HMBOX1: variants seen among roughly 807,000 people sequenced by gnomAD.
HMBOX1 encodes homeobox containing 1.
A neutral mutation model predicts 54.5 loss-of-function variants in HMBOX1; 14 were observed. That is an observed-to-expected ratio of 0.26 (90% CI 0.17 to 0.40). The LOEUF (loss-of-function observed/expected upper bound fraction) is 0.40. Ranked by LOEUF, HMBOX1 falls within the 10% of genes least tolerant of loss-of-function variation. HMBOX1 has a pLI of 1.00. For synonymous variants in HMBOX1, 160 were observed against 181.0 expected, an observed-to-expected ratio of 0.88 and a Z score of 0.93; for missense variants, 332 against 514.4, an observed-to-expected ratio of 0.65 and a Z score of 3.43.
chr8:29,022,516 G>A (rs970218886), intron 6 of HMBOX1, among the ~76,000 whole-genome samples: 2 of 152,084 alleles, frequency 1.3e-5, no homozygotes, highest in Non-Finnish European at 2.9e-5. Flanking sequence ...TGACCTAAAT[G>A]TCTATTTGTA....
chr8:28,977,757 G>A lies in HMBOX1; in HGVS notation c.501-2314G>A, dbSNP rs560435414. Among the ~76,000 whole-genome samples the A allele has an allele frequency of 2.6e-5, 4 of 152,060 alleles. No homozygotes were observed. In the East Asian group the frequency reaches 7.7e-4, roughly 29 times the overall value. On this transcript the variant is annotated intron_variant, in intron 3 of 9. Transcript: ENST00000287701. ...AGATCAAGACCATCCTGGCTAACAC[G>A]GTGAAACCCCGTGTCTACTAAAAAT...
At chr8:29,045,557 T>C in intron 7 of HMBOX1, 114 bp downstream of exon 7, 1 of 790,620 alleles carries the variant, frequency 1.3e-6, no homozygotes, top group Non-Finnish European at 2.2e-6. Flanking sequence ...CGGCTCAGTC[T>C]GTGCCATCCT....
chr8:28,936,642 A>G (rs781186216), intron 1 of HMBOX1, among the ~76,000 whole-genome samples: 2 of 152,062 alleles, frequency 1.3e-5, no homozygotes, highest in African/African-American at 2.4e-5. Context: ...GATGAACTCT[A>G]TGGCTTCACA....
chr8:29,005,054 G>A (rs571020244), intron 4 of HMBOX1, among the ~76,000 whole-genome samples: 1 of 152,008 alleles, frequency 6.6e-6, no homozygotes, highest in African/African-American at 2.4e-5. Flanking sequence ...AAATTTAGAG[G>A]GAAGAAATTC....
chr8:28,922,175 CTTA>C (rs1817666357), intron 1 of HMBOX1, among the ~76,000 whole-genome samples: 2 of 152,096 alleles, frequency 1.3e-5, no homozygotes, highest in Admixed American at 1.3e-4. Context: ...AGACTTTTTC[CTTA>C]TTATTCCCTA....
At chr8:28,977,669 G>A (rs1261521313) in intron 3 of HMBOX1, among the ~76,000 whole-genome samples, 5 of 152,020 alleles carry the variant, frequency 3.3e-5, no homozygotes, top group East Asian at 1.9e-4. Flanking sequence ...GGCCGGGCGC[G>A]GTGGCTCACG....
chr8:28,969,682 G>A (rs914990541), intron 2 of HMBOX1, among the ~76,000 whole-genome samples: 2 of 151,914 alleles, frequency 1.3e-5, no homozygotes, highest in African/African-American at 4.8e-5. Context: ...ACTTGAGATG[G>A]GCAAAACACT....
chr8:29,007,964 T>A (rs1319943265), intron 4 of HMBOX1, among the ~76,000 whole-genome samples: 2 of 152,198 alleles, frequency 1.3e-5, no homozygotes, highest in Non-Finnish European at 2.9e-5. Context: ...TTAAATGTGA[T>A]CCCAGGACCT....
chr8:29,008,782 G>A (rs1563572241), intron 4 of HMBOX1, among the ~76,000 whole-genome samples: 1 of 152,130 alleles, frequency 6.6e-6, no homozygotes, highest in Non-Finnish European at 1.5e-5. Context: ...TTTTACTTTA[G>A]GAATCTCTTT....
At chr8:29,031,735 C>G (rs1314474613) in intron 6 of HMBOX1, among the ~76,000 whole-genome samples, 1 of 152,144 alleles carries the variant, frequency 6.6e-6, no homozygotes, top group Non-Finnish European at 1.5e-5. Flanking sequence ...TAGTGTTGCT[C>G]CTCAACACTG....
intron 3 of HMBOX1, among the ~76,000 whole-genome samples, chr8:28,974,622 C>T (rs1044014139): frequency 6.6e-6 from 1 of 152,090 alleles, no homozygotes; most frequent in Admixed American, 6.5e-5. Context: ...TGTGCATGTT[C>T]TGTAGATAAG....
intron 2 of HMBOX1, among the ~76,000 whole-genome samples, 160 bp downstream of exon 2, chr8:28,964,050 A>C (rs1826044996): frequency 6.6e-6 from 1 of 152,206 alleles, no homozygotes; most frequent in African/African-American, 2.4e-5. Flanking sequence ...CATTAAGGTG[A>C]ATAAGTGTCA....
intron 4 of HMBOX1, among the ~76,000 whole-genome samples, chr8:29,005,028 T>C (rs1833229599): frequency 6.6e-6 from 1 of 152,242 alleles, no homozygotes; most frequent in Non-Finnish European, 1.5e-5. Context: ...TACATTATTA[T>C]ATGAATACTG....
intron 5 of HMBOX1, among the ~76,000 whole-genome samples, chr8:29,013,458 A>T (rs192069301): frequency 3.9e-5 from 6 of 152,154 alleles, no homozygotes; most frequent in African/African-American, 1.4e-4. Flanking sequence ...CAACCTCTTC[A>T]GTCTGGATCC....
Position 28,964,904 on chromosome 8 carries a change from C to T in HMBOX1, c.23+1014C>T, listed in dbSNP as rs188782245. On this transcript the variant is annotated intron_variant, in intron 2 of 9. Coordinates refer to ENST00000287701, the MANE Select transcript of HMBOX1 (RefSeq NM_001135726.3). ...AAATTTATTTGCTAATGGCTATTTT[C>T]AATCTATCAGCCTTCTCTGTTACCA... Among the ~76,000 whole-genome samples the T allele has an allele frequency of 2.3e-3, 349 of 152,276 alleles. 5 individuals carry two copies. Among genetic ancestry groups the T allele is most frequent in the Non-Finnish European group, 5.1e-4 (35 of 68,018 alleles).
chr8:28,956,108 C>CTATATATATATA (rs1824383564), intron 1 of HMBOX1, among the ~76,000 whole-genome samples: 1 of 152,040 alleles, frequency 6.6e-6, no homozygotes, highest in Admixed American at 6.6e-5. Flanking sequence ...CACTATATTT[C>CTATATATATATA]TTTCCAAATG....
intron 1 of HMBOX1, among the ~76,000 whole-genome samples, chr8:28,911,048 C>T (rs950905068): frequency 6.6e-6 from 1 of 152,162 alleles, no homozygotes; most frequent in African/African-American, 2.4e-5. Flanking sequence ...GGTGGTTGTA[C>T]TGGGGGAGTC....
chr8:29,004,609 A>G (rs746053293), intron 4 of HMBOX1, among the ~76,000 whole-genome samples: 1 of 152,162 alleles, frequency 6.6e-6, no homozygotes, highest in African/African-American at 2.4e-5. Context: ...CCATGTGATA[A>G]CTTTCTTATT....
chr8:28,958,174 C>G (rs1285191121), intron 1 of HMBOX1, among the ~76,000 whole-genome samples: 1 of 151,916 alleles, frequency 6.6e-6, no homozygotes, highest in Non-Finnish European at 1.5e-5. Context: ...GCTATATTGC[C>G]CAGGATAGTC....
Sources: gnomAD v4.1 joint callset for allele counts (sites outside exome capture counted in the v4.1 genomes callset) on GRCh38, gnomAD v4.1.1 for gene constraint, MANE v1.5 for transcripts, NCBI Gene and HGNC (gene_info 2026-07-23, HGNC 2026-07-21) for gene names.